The following TNKS variants were observed in gnomAD, a reference collection of about 807,000 sequenced individuals.
The protein encoded by TNKS is poly [ADP-ribose] polymerase tankyrase-1.
Under a neutral mutation model 135.8 loss-of-function variants are expected in TNKS, and 72 were observed. The observed-to-expected ratio is 0.53, with a 90% CI of 0.44 to 0.64. The LOEUF is 0.64. Among genes scored for constraint, TNKS ranks in the 30% least tolerant of loss-of-function variants. The pLI, the probability that TNKS is intolerant of heterozygous loss-of-function variation, is 0.00. For synonymous variants in TNKS, 849 were observed against 649.3 expected, an observed-to-expected ratio of 1.31 and a Z score of -4.68; for missense variants, 1,769 against 1,674.0, an observed-to-expected ratio of 1.06 and a Z score of -0.99.
chr8:9,740,059 A>T (rs1187014121), intron 17 of TNKS, among the ~76,000 whole-genome samples: 7 of 29,748 alleles, frequency 2.4e-4, no homozygotes, highest in East Asian at 7.0e-4. Context: ...GTATAATAAA[A>T]AAAAAAAAAA....
At position 9,755,319 on chromosome 8, in the gene TNKS, G is replaced by A. The variant is rs755954141; in HGVS notation, c.3153+2693G>A. Among the ~76,000 whole-genome samples, 22 of 152,156 alleles carry A rather than the reference G, an allele frequency of 1.4e-4. 1 individual carries two copies. Among genetic ancestry groups the A allele is most frequent in the Admixed American group, 8.5e-4 (13 of 15,298 alleles). ...GTTTCATTGTTCTTTTTTTACTGCA[G>A]TTTCATTCTGAGTAAATGGTTCCAT... On this transcript the variant is annotated intron_variant, in intron 20 of 26. Coordinates refer to ENST00000310430, the MANE Select transcript of TNKS (RefSeq NM_003747.3).
intron 1 of TNKS, among the ~76,000 whole-genome samples, chr8:9,569,812 T>A (rs1170224772): frequency 6.6e-6 from 1 of 152,238 alleles, no homozygotes; most frequent in Non-Finnish European, 1.5e-5. Flanking sequence ...TTTTGGTGTC[T>A]TTGTTATCTG....
At chr8:9,601,715 T>C (rs1305681929) in intron 2 of TNKS, among the ~76,000 whole-genome samples, 1 of 152,200 alleles carries the variant, frequency 6.6e-6, no homozygotes, top group East Asian at 1.9e-4. Flanking sequence ...AAAAGCTCTA[T>C]TTGATAAAGT....
At chr8:9,684,040 C>T (rs1028248823) in intron 5 of TNKS, among the ~76,000 whole-genome samples, 4 of 151,540 alleles carry the variant, frequency 2.6e-5, no homozygotes, top group Admixed American at 6.6e-5. Flanking sequence ...CAATTATATA[C>T]GTGTTATAAT....
At chr8:9,707,250 AAT>A (rs1804092219) in intron 8 of TNKS, among the ~76,000 whole-genome samples, 2 of 152,154 alleles carry the variant, frequency 1.3e-5, no homozygotes, top group Admixed American at 1.3e-4. Flanking sequence ...TTTGAAGGCT[AAT>A]GAGGATGAGT....
intron 1 of TNKS, chr8:9,558,880 A>G (rs1797200138): frequency 6.6e-6 from 1 of 152,204 alleles, no homozygotes; most frequent in Admixed American, 6.5e-5. Flanking sequence ...TCGTAACATT[A>G]AAGTTTTATT....
At chr8:9,659,949 C>G (rs1034274717) in intron 3 of TNKS, among the ~76,000 whole-genome samples, 3 of 152,212 alleles carry the variant, frequency 2.0e-5, no homozygotes, top group African/African-American at 4.8e-5. Context: ...TCAGAGAATA[C>G]TATAAACACC....
chr8:9,566,798 C>T (rs1304311045), intron 1 of TNKS, among the ~76,000 whole-genome samples: 1 of 151,066 alleles, frequency 6.6e-6, no homozygotes, highest in Non-Finnish European at 1.5e-5. Flanking sequence ...TTAGTAGAGA[C>T]GGGGTTTCAC....
intron 2 of TNKS, among the ~76,000 whole-genome samples, chr8:9,587,271 GC>G (rs1250182260): frequency 4.6e-5 from 7 of 152,108 alleles, no homozygotes; most frequent in Non-Finnish European, 8.8e-5. Context: ...ACCATTGGTG[GC>G]TTTGAAAAGA....
intron 3 of TNKS, among the ~76,000 whole-genome samples, chr8:9,677,238 A>G (rs1465979995): frequency 6.6e-6 from 1 of 152,246 alleles, no homozygotes; most frequent in African/African-American, 2.4e-5. Flanking sequence ...GGAAGAGTAG[A>G]AAGTCATTTG....
chr8:9,694,686 TAGG>T (rs1803431844), intron 5 of TNKS, among the ~76,000 whole-genome samples: 1 of 150,380 alleles, frequency 6.6e-6, no homozygotes, highest in South Asian at 2.1e-4. Flanking sequence ...TGCTTGAACT[TAGG>T]AGGCGGAGGC....
intron 3 of TNKS, among the ~76,000 whole-genome samples, chr8:9,618,561 A>C (rs761753322): frequency 1.3e-5 from 2 of 152,216 alleles, no homozygotes. Flanking sequence ...GGAGGTATTT[A>C]GATTTTTCGT....
chr8:9,672,071 C>G (rs75020567), intron 3 of TNKS, among the ~76,000 whole-genome samples: 1,754 of 152,318 alleles, frequency 0.012, 20 homozygotes, highest in Middle Eastern at 0.02. Flanking sequence ...TATTGCAGCA[C>G]TTGTGTGCAA....
At chr8:9,682,038 G>C (rs562134884) in intron 5 of TNKS, among the ~76,000 whole-genome samples, 1 of 152,052 alleles carries the variant, frequency 6.6e-6, no homozygotes, top group Non-Finnish European at 1.5e-5. Context: ...CTTGGGAAGT[G>C]TTTTTAAATG....
At chr8:9,773,825 C>T (rs954915799) in intron 26 of TNKS, among the ~76,000 whole-genome samples, 3 of 152,106 alleles carry the variant, frequency 2.0e-5, no homozygotes, top group African/African-American at 7.2e-5. Flanking sequence ...ACACATGGAT[C>T]GTGTTAACTC....
chr8:9,704,861 C>A, intron 6 of TNKS, 104 bp downstream of exon 6: 4 of 793,268 alleles, frequency 5.0e-6, no homozygotes, highest in Non-Finnish European at 7.9e-6. Flanking sequence ...TTACGGCTTA[C>A]ATAACGTTTT....
At chr8:9,594,862 A>C (rs1798715867) in intron 2 of TNKS, among the ~76,000 whole-genome samples, 1 of 152,214 alleles carries the variant, frequency 6.6e-6, no homozygotes, top group Admixed American at 6.5e-5. Flanking sequence ...GGACCAAAGA[A>C]GTTTTAGCTA....
At chr8:9,748,599 C>G (rs1283465494) in intron 18 of TNKS, among the ~76,000 whole-genome samples, 1 of 152,162 alleles carries the variant, frequency 6.6e-6, no homozygotes, top group Non-Finnish European at 1.5e-5. Flanking sequence ...AAAATTAACT[C>G]TGGGCAGTAT....
intron 5 of TNKS, among the ~76,000 whole-genome samples, chr8:9,696,774 A>T (rs753085621): frequency 2.0e-5 from 3 of 152,188 alleles, no homozygotes; most frequent in Non-Finnish European, 4.4e-5. Flanking sequence ...AAGGAAAACT[A>T]TAAAACACTG....
Sources: allele counts gnomAD v4.1 joint callset (sites outside exome capture counted in the v4.1 genomes callset), GRCh38; gene constraint gnomAD v4.1.1; transcripts MANE v1.5; gene names NCBI Gene and HGNC (gene_info 2026-07-23, HGNC 2026-07-21).